KIF26A: variants seen among roughly 807,000 people sequenced by gnomAD.
KIF26A encodes kinesin-like protein KIF26A.
Under a neutral mutation model 126.0 loss-of-function variants are expected in KIF26A, and 74 were observed. That is an observed-to-expected ratio of 0.59 (90% CI 0.49 to 0.71). KIF26A has a LOEUF of 0.71. Ranked by LOEUF, KIF26A falls within the 30% of genes least tolerant of loss-of-function variation. The pLI is 0.00. For synonymous variants in KIF26A, 1,445 were observed against 1,232.7 expected, an observed-to-expected ratio of 1.17 and a Z score of -3.61; for missense variants, 2,984 against 2,763.3, an observed-to-expected ratio of 1.08 and a Z score of -1.79.
Position 104,179,655 on chromosome 14 carries a change from G to A in KIF26A, c.5514G>A (p.Ala1838=), listed in dbSNP as rs143169161. Residue 1838 remains alanine, a synonymous_variant, in exon 15 of 15, where the codon GCG becomes GCA. Coordinates refer to ENST00000423312, the MANE Select transcript of KIF26A (RefSeq NM_015656.2). Reference sequence around the variant, plus strand: ...AGCCCGAGTCGGCCGAGTACCTGGCGGCCCTGGAGCGAGCCACGGCGGCCC... The same window carrying A: ...AGCCCGAGTCGGCCGAGTACCTGGCAGCCCTGGAGCGAGCCACGGCGGCCC... The part of the protein sequence containing the change: ...ELEPESAEYL[A]ALERATAALE... 9,231 of 1,546,338 alleles carry A rather than the reference G, an allele frequency of 6.0e-3. 38 individuals are homozygous for A. Among genetic ancestry groups the A allele is most frequent in the South Asian group, 7.9e-3 (664 of 83,750 alleles).
chr14:104,155,301 T>C (rs2037766444), intron 3 of KIF26A, among the ~76,000 whole-genome samples: 3 of 152,194 alleles, frequency 2.0e-5, no homozygotes, highest in African/African-American at 7.2e-5. Flanking sequence ...GAGAGTTAGC[T>C]TGGCATTTCC....
At chr14:104,141,039 C>T (rs1005974910) in intron 2 of KIF26A, among the ~76,000 whole-genome samples, 4 of 152,212 alleles carry the variant, frequency 2.6e-5, no homozygotes, top group African/African-American at 4.8e-5. Context: ...CTGCACCTGC[C>T]ATCCTGGGGC....
In KIF26A at chr14:104,152,885, C is replaced by T. The variant is rs531357784; in HGVS notation, c.735+424C>T. Among the ~76,000 whole-genome samples, 6 of 152,170 alleles carry T rather than the reference C, an allele frequency of 3.9e-5. No individual in the cohort carries two copies. In the South Asian group the frequency reaches 8.3e-4, roughly 21 times the overall value. Reference sequence around the variant, plus strand: ...GTGTGAGGCGTCCATGGACGTCGGGCGGGGGACCGGCAGTTGCAATTGCTG... The same window carrying T: ...GTGTGAGGCGTCCATGGACGTCGGGTGGGGGACCGGCAGTTGCAATTGCTG... On this transcript the variant is annotated intron_variant, in intron 3 of 14. Coordinates refer to ENST00000423312, the MANE Select transcript of KIF26A (RefSeq NM_015656.2). The surrounding 1 kb of genome is among the most constrained non-coding windows in gnomAD (Gnocchi z 5.9).
intron 5 of KIF26A, 137 bp downstream of exon 5, chr14:104,167,185 G>A (rs1596144525): frequency 1.1e-6 from 1 of 942,526 alleles, no homozygotes; most frequent in Non-Finnish European, 1.5e-6. Flanking sequence ...GGTGCCATGG[G>A]GAGACTGAGG....
intron 4 of KIF26A, among the ~76,000 whole-genome samples, chr14:104,163,987 G>A (rs1009573269): frequency 3.8e-4 from 58 of 152,184 alleles, no homozygotes; most frequent in African/African-American, 1.3e-3. Context: ...TGCAGGCACC[G>A]CCCACCACTG....
Position 104,176,641 on chromosome 14 carries a change from G to T in KIF26A, c.3853G>T (p.Asp1285Tyr), listed in dbSNP as rs1299291243. 3 of 1,605,910 alleles carry T rather than the reference G, an allele frequency of 1.9e-6. No individual in the cohort carries two copies. Among genetic ancestry groups the T allele is most frequent in the Non-Finnish European group, 2.5e-6 (3 of 1,176,968 alleles). Residue 1285 changes from aspartate to tyrosine, a missense_variant, in exon 12 of 15, where the codon GAC (aspartate) becomes TAC (tyrosine). Transcript: ENST00000423312. ...VMLACAQRVV[D>Y]GCEVAARAAR... is the part of the protein sequence containing the mutation. ...GCTAGCCTGTGCCCAGAGAGTGGTG[G>T]ACGGGTGTGAGGTGGCAGCCAGGGC...
intron 10 of KIF26A, 82 bp from the exon 11 acceptor site, chr14:104,174,065 CT>C: frequency 6.9e-7 from 1 of 1,440,322 alleles, no homozygotes; most frequent in Non-Finnish European, 9.2e-7. Context: ...GGGAACCAGA[CT>C]GATCCCAGGG....
chr14:104,178,867 C>T (rs1041478929), intron 13 of KIF26A, 112 bp downstream of exon 13: 6 of 649,950 alleles, frequency 9.2e-6, no homozygotes, highest in East Asian at 2.9e-5. Flanking sequence ...GGCTGGGCAG[C>T]CCCTGACCTC....
chr14:104,169,263 C>A (rs1389055005), intron 5 of KIF26A, among the ~76,000 whole-genome samples: 1 of 152,240 alleles, frequency 6.6e-6, no homozygotes, highest in Non-Finnish European at 1.5e-5. Context: ...GGGATCGGGG[C>A]CCTGGCTCTG....
chr14:104,150,158 TCCC>T (rs2037713915), intron 2 of KIF26A, among the ~76,000 whole-genome samples: 1 of 31,608 alleles, frequency 3.2e-5, no homozygotes. Flanking sequence ...CTCCTCCTCC[TCCC>T]CCTTCCCCTT....
intron 2 of KIF26A, among the ~76,000 whole-genome samples, chr14:104,141,770 T>C (rs1250889032): frequency 1.3e-5 from 2 of 152,186 alleles, no homozygotes; most frequent in Non-Finnish European, 2.9e-5. Context: ...CAACACCCGA[T>C]GCCTGCATGG....
At chr14:104,145,742 C>G (rs1294847723) in intron 2 of KIF26A, among the ~76,000 whole-genome samples, 1 of 152,226 alleles carries the variant, frequency 6.6e-6, no homozygotes, top group African/African-American at 2.4e-5. Flanking sequence ...CCCTCAAAAC[C>G]CTCACCCCTG....
intron 2 of KIF26A, among the ~76,000 whole-genome samples, chr14:104,144,285 G>A (rs760136790): frequency 3.0e-4 from 46 of 152,148 alleles, no homozygotes; most frequent in South Asian, 6.2e-4. Flanking sequence ...GAGCCCTAGC[G>A]GCTTCCGGGG....
chr14:104,139,199 GGCGGCTGGTGCC>G lies in KIF26A; in HGVS notation c.202_213del (p.Gly68_Arg71del). ...AGAGCAGGGCCACTCGGCCGGCGGA[GGCGGCTGGTGCC>G]GCCACTGCCACACGAAGCTGGTGGA... is the stretch of plus-strand genomic sequence containing the variant. On this transcript the variant is annotated inframe_deletion, in exon 2 of 15. Coordinates refer to ENST00000423312, the MANE Select transcript of KIF26A (RefSeq NM_015656.2). 1 of 1,549,140 alleles carries G rather than the reference GGCGGCTGGTGCC, an allele frequency of 6.5e-7. No homozygotes were observed. Among genetic ancestry groups the G allele is most frequent in the Non-Finnish European group, 8.7e-7 (1 of 1,148,050 alleles).
chr14:104,172,334 T>G (rs1013820985), intron 6 of KIF26A, among the ~76,000 whole-genome samples: 1 of 152,262 alleles, frequency 6.6e-6, no homozygotes, highest in Non-Finnish European at 1.5e-5. Context: ...GCTGGACTTC[T>G]GGGCTTTGCG....
At position 104,148,127 on chromosome 14, in the gene KIF26A, G is replaced by A. The variant is rs2037696180; in HGVS notation, c.289-3888G>A. Among the ~76,000 whole-genome samples, 1 of 152,158 alleles carries A rather than the reference G, an allele frequency of 6.6e-6. No homozygotes were observed. Among genetic ancestry groups the A allele is most frequent in the Admixed American group, 6.5e-5 (1 of 15,286 alleles). ...TCTCTCCTGCAGTGACGGGGAGCGG[G>A]GAGTCCCCGGTAAAGTCCCCCGGGC... On this transcript the variant is annotated intron_variant, in intron 2 of 14. Coordinates refer to ENST00000423312, the MANE Select transcript of KIF26A (RefSeq NM_015656.2). The surrounding 1 kb of genome is among the most constrained non-coding windows in gnomAD (Gnocchi z 4.3).
At chr14:104,168,611 C>T (rs2037929060) in intron 5 of KIF26A, among the ~76,000 whole-genome samples, 1 of 152,196 alleles carries the variant, frequency 6.6e-6, no homozygotes. Flanking sequence ...AGGAGCCTCC[C>T]GATCTCCCTG....
At position 104,166,958 on chromosome 14, in the gene KIF26A, C is replaced by T. The variant is rs781191022; in HGVS notation, c.1023C>T (p.Ser341=). Residue 341 remains serine (S), a synonymous_variant, in exon 5 of 15, where the codon AGC becomes AGT. Transcript: ENST00000423312. Reference sequence around the variant, plus strand: ...CCTCCACCTACCCCACCGACTTCAGCGGGGTCCTGCAGCTGTGGCCGCCCC... The same window carrying T: ...CCTCCACCTACCCCACCGACTTCAGTGGGGTCCTGCAGCTGTGGCCGCCCC... ...RGTSTYPTDF[S]GVLQLWPPPA... 5.0e-6 allele frequency: 8 copies of T among 1,590,456 alleles called. No homozygotes were observed. The highest frequency in any genetic ancestry group is 1.8e-5 in the Admixed American group (1 of 57,098).
rs1289969146 is a variant in KIF26A at position 104,148,684 on chromosome 14, G to GGCAGGGCT, written c.289-3321_289-3314dup. Among the ~76,000 whole-genome samples, 2 of 150,138 alleles carry GGCAGGGCT rather than the reference G, an allele frequency of 1.3e-5. No individual in the cohort carries two copies. The highest frequency in any genetic ancestry group is 4.9e-5 in the African/African-American group (2 of 40,806). On this transcript the variant is annotated intron_variant, in intron 2 of 14. Transcript: ENST00000423312. The surrounding 1 kb of genome is among the most constrained non-coding windows in gnomAD (Gnocchi z 4.3). Reference sequence around the variant, plus strand: ...CGGGGAGGGGGAGGGGGAGGGGAGGGGCAGGGCTGCAGGGCTGGGCGGCTT... The same window carrying GGCAGGGCT: ...CGGGGAGGGGGAGGGGGAGGGGAGGGGCAGGGCTGCAGGGCTGCAGGGCTGGGCGGCTT...
Sources: gnomAD v4.1 joint callset for allele counts (sites outside exome capture counted in the v4.1 genomes callset) on GRCh38, gnomAD v4.1.1 for gene constraint, Gnocchi (gnomAD v3.1) non-coding constraint, MANE v1.5 for transcripts, NCBI Gene and HGNC (gene_info 2026-07-23, HGNC 2026-07-21) for gene names.